PLEKHA7: variants seen among roughly 807,000 people sequenced by gnomAD.
PLEKHA7 encodes pleckstrin homology domain-containing family A member 7.
In PLEKHA7, 104 loss-of-function variants were observed where a neutral mutation model predicts 170.0. That is an observed-to-expected ratio of 0.61 (90% CI 0.52 to 0.72). The LOEUF is 0.72. Among genes scored for constraint, PLEKHA7 ranks in the 30% least tolerant of loss-of-function variants. PLEKHA7 has a pLI of 0.00. For synonymous variants in PLEKHA7, 648 were observed against 660.8 expected, an observed-to-expected ratio of 0.98 and a Z score of 0.30; for missense variants, 1,615 against 1,671.7, an observed-to-expected ratio of 0.97 and a Z score of 0.59.
At chr11:16,788,971 C>T in intron 23 of PLEKHA7, 125 bp downstream of exon 23, 1 of 1,256,886 alleles carries the variant, frequency 8.0e-7, no homozygotes, top group Non-Finnish European at 1.1e-6. Context: ...GTGGGGTGTT[C>T]TCTGAACCAT....
chr11:16,916,206 G>A (rs1858662686), intron 3 of PLEKHA7, among the ~76,000 whole-genome samples: 1 of 152,130 alleles, frequency 6.6e-6, no homozygotes. Flanking sequence ...TTGTTAATGG[G>A]GTTGTTTGTT....
At chr11:16,795,646 A>G (rs564663072) in intron 17 of PLEKHA7, among the ~76,000 whole-genome samples, 14 of 151,808 alleles carry the variant, frequency 9.2e-5, no homozygotes, top group African/African-American at 2.9e-4. Context: ...AAAATTAGCC[A>G]GGCATGGTGG....
intron 10 of PLEKHA7, among the ~76,000 whole-genome samples, chr11:16,824,912 A>C (rs572083407): frequency 6.6e-6 from 1 of 152,346 alleles, no homozygotes; most frequent in South Asian, 2.1e-4. Flanking sequence ...CAAGAAGAGC[A>C]GCTTCCCTTC....
In PLEKHA7 at chr11:16,852,363, G is replaced by C; in HGVS notation, c.523-8C>G. 1 of 1,613,110 alleles carries C rather than the reference G, an allele frequency of 6.2e-7. No individual in the cohort carries two copies. Among genetic ancestry groups the C allele is most frequent in the Non-Finnish European group, 8.5e-7 (1 of 1,179,518 alleles). On this transcript the variant is annotated splice_region_variant and splice_polypyrimidine_tract_variant and intron_variant, in intron 6 of 26. Coordinates refer to ENST00000531066, the MANE Select transcript of PLEKHA7 (RefSeq NM_001329630.2). Reference sequence around the variant, plus strand: ...CCTCATCCCAGAACTGTCCTGCAAAGCAAAGAAAACTAGTCAGGGTAATAT... The same window carrying C: ...CCTCATCCCAGAACTGTCCTGCAAACCAAAGAAAACTAGTCAGGGTAATAT...
At chr11:16,994,578 AG>A (rs1864232793) in intron 3 of PLEKHA7, among the ~76,000 whole-genome samples, 1 of 152,088 alleles carries the variant, frequency 6.6e-6, no homozygotes, top group Admixed American at 6.5e-5. Context: ...ACAGCCTCAG[AG>A]GGCCCGGTCA....
At chr11:16,976,123 C>T (rs757159182) in intron 3 of PLEKHA7, among the ~76,000 whole-genome samples, 2 of 152,332 alleles carry the variant, frequency 1.3e-5, no homozygotes, top group African/African-American at 4.8e-5. Flanking sequence ...GGCCAGAGCC[C>T]CAAGGCTCAA....
chr11:16,786,652 G>A (rs553147830), intron 23 of PLEKHA7: 1 of 985,364 alleles, frequency 1.0e-6, no homozygotes, highest in Admixed American at 6.1e-5. Context: ...GGCTCACAGT[G>A]GTCCCCAGGG....
chr11:16,970,417 G>C (rs1430692061), intron 3 of PLEKHA7, among the ~76,000 whole-genome samples: 4 of 152,132 alleles, frequency 2.6e-5, no homozygotes, highest in Non-Finnish European at 5.9e-5. Context: ...CCAGCACTTT[G>C]GAAGGCTGAG....
intron 3 of PLEKHA7, among the ~76,000 whole-genome samples, chr11:16,983,568 C>T (rs904956425): frequency 5.2e-4 from 79 of 152,302 alleles, no homozygotes; most frequent in African/African-American, 1.9e-3. Context: ...TGTGGCATTT[C>T]TCGTTTACTG....
intron 17 of PLEKHA7, among the ~76,000 whole-genome samples, chr11:16,799,007 C>T (rs1402267657): frequency 3.9e-5 from 6 of 152,180 alleles, no homozygotes; most frequent in Non-Finnish European, 7.3e-5. Context: ...TGGCGCTGCC[C>T]AATACACCTT....
At chr11:16,968,594 T>G (rs1178016959) in intron 3 of PLEKHA7, among the ~76,000 whole-genome samples, 1 of 152,164 alleles carries the variant, frequency 6.6e-6, no homozygotes, top group East Asian at 1.9e-4. Context: ...CTGCACACCC[T>G]CCTTGAAGGG....
chr11:16,928,942 A>G (rs181212060), intron 3 of PLEKHA7, among the ~76,000 whole-genome samples: 98 of 152,322 alleles, frequency 6.4e-4, no homozygotes, highest in African/African-American at 2.2e-3. Context: ...CTAGAGGGAT[A>G]TTTACCAAAA....
intron 3 of PLEKHA7, among the ~76,000 whole-genome samples, chr11:16,946,092 C>T (rs1192009161): frequency 6.6e-6 from 1 of 152,242 alleles, no homozygotes; most frequent in Admixed American, 6.5e-5. Flanking sequence ...CCCAACCTCT[C>T]CTCATGGGGG....
chr11:16,967,905 C>T (rs1394407462), intron 3 of PLEKHA7, among the ~76,000 whole-genome samples: 1 of 152,140 alleles, frequency 6.6e-6, no homozygotes, highest in African/African-American at 2.4e-5. Context: ...AAAGAGGTAC[C>T]CATCTAAAGA....
chr11:16,871,474 A>T (rs575491307), intron 3 of PLEKHA7, among the ~76,000 whole-genome samples: 1 of 152,288 alleles, frequency 6.6e-6, no homozygotes, highest in East Asian at 1.9e-4. Flanking sequence ...TGAAGTACTT[A>T]CTCCAGCAAA....
At chr11:16,960,421 TGA>T (rs1293889250) in intron 3 of PLEKHA7, among the ~76,000 whole-genome samples, 1 of 152,184 alleles carries the variant, frequency 6.6e-6, no homozygotes, top group African/African-American at 2.4e-5. Flanking sequence ...AAACGTTGCC[TGA>T]GCTCTGAGTT....
intron 3 of PLEKHA7, among the ~76,000 whole-genome samples, chr11:16,987,262 C>A (rs1045351714): frequency 6.6e-6 from 1 of 150,496 alleles, no homozygotes; most frequent in South Asian, 2.1e-4. Flanking sequence ...CCATCCCCCA[C>A]ACCCCCCACT....
Position 16,782,756 on chromosome 11 carries a change from G to T in PLEKHA7, c.3791C>A (p.Ala1264Glu). ...TGGGGGCTGGGCCATGGCCTTACCT[G>T]CCACCTGCTTGCTACGCTGGGAGGC... Reference protein sequence around the residue: ...SEASQRSKQVAAQAVTDP With the variant: ...SEASQRSKQVEAQAVTDP Residue 1264 changes from alanine to glutamate, a missense_variant and splice_region_variant, in exon 26 of 27, where the codon GCA becomes GAA. Coordinates refer to ENST00000531066, the MANE Select transcript of PLEKHA7 (RefSeq NM_001329630.2). 6.5e-7 allele frequency: 1 copy of T among 1,536,032 alleles called. No individual in the cohort carries two copies. Among genetic ancestry groups the T allele is most frequent in the Non-Finnish European group, 8.7e-7 (1 of 1,146,886 alleles).
chr11:17,009,625 TTTTATTTATTTA>T (rs34851996), intron 3 of PLEKHA7, among the ~76,000 whole-genome samples: 2 of 149,230 alleles, frequency 1.3e-5, no homozygotes, highest in African/African-American at 4.9e-5. Context: ...AAAGTCTTCG[TTTTATTTATTTA>T]TTTATTTATT....
Sources: gnomAD v4.1 joint callset for allele counts (sites outside exome capture counted in the v4.1 genomes callset) on GRCh38, gnomAD v4.1.1 for gene constraint, MANE v1.5 for transcripts, NCBI Gene and HGNC (gene_info 2026-07-23, HGNC 2026-07-21) for gene names.